Variants in ZSCAN32 observed in about 807,000 individuals in gnomAD.
The protein encoded by ZSCAN32 is zinc finger and SCAN domain-containing protein 32.
ZSCAN32 carries 52 observed loss-of-function variants against 47.4 expected under a neutral mutation model. The ratio of observed to expected loss-of-function variants is 1.10; its 90% CI spans 0.88 to 1.38. ZSCAN32 has a LOEUF of 1.38. Among genes scored for constraint, ZSCAN32 ranks in the 40% most tolerant of loss-of-function variants. ZSCAN32 has a pLI of 0.00. For synonymous variants in ZSCAN32, 346 were observed against 305.7 expected (o/e 1.13, Z -1.38); for missense variants, 959 against 846.0 (o/e 1.13, Z -1.66).
At chr16:3,390,668 G>A (rs889122612) in intron 3 of ZSCAN32, among the ~76,000 whole-genome samples, 151 bp from the exon 4 acceptor site, 1 of 152,120 alleles carries the variant, frequency 6.6e-6, no homozygotes, top group African/African-American at 2.4e-5. Context: ...CAGATCTTCT[G>A]AATCGGAAAT....
Position 3,383,599 on chromosome 16 carries a change from A to G in ZSCAN32, c.1347T>C (p.Ser449=), listed in dbSNP as rs776024829. 17 of 1,613,850 alleles carry G rather than the reference A, an allele frequency of 1.1e-5. No homozygotes were observed. The highest frequency in any genetic ancestry group is 1.6e-4 in the Middle Eastern group (1 of 6,084). The stretch of plus-strand genomic sequence containing the variant: ...CACTCTCCAAGCCTTTTTGTAGCTC[A>G]GAGTGCCAATAAACTCCTCTGGACT... The part of the protein sequence containing the change: ...QRKSRGVYWH[S]ELQKGLESEP... The change falls in exon 7 of 7, where the codon TCT becomes TCC. Residue 449 remains serine, a synonymous_variant. Transcript: ENST00000396852.
In ZSCAN32 at chr16:3,383,749, T is replaced by C. The variant is rs564641190; in HGVS notation, c.1235-38A>G. Reference sequence around the variant, plus strand: ...AACCCCACAGAAATACAATGGACTATAGAGAAGGAAAACAATGGAATGCAA... The same window carrying C: ...AACCCCACAGAAATACAATGGACTACAGAGAAGGAAAACAATGGAATGCAA... On this transcript the variant is annotated intron_variant, in intron 6 of 6. Coordinates refer to ENST00000396852, the MANE Select transcript of ZSCAN32 (RefSeq NM_001284527.2). 32 of 1,536,404 alleles carry C rather than the reference T, an allele frequency of 2.1e-5. No individual in the cohort carries two copies. In the East Asian group the frequency reaches 6.3e-4, roughly 30 times the overall value.
At position 3,390,386 on chromosome 16, in the gene ZSCAN32, G is replaced by C. The variant is rs937608126; in HGVS notation, c.627+37C>G. On this transcript the variant is annotated intron_variant, in intron 4 of 6. Transcript: ENST00000396852. ...GGAGGAGGGTTTTGGGGTGAGAGTG[G>C]GTACTCAAGAGACAGAAGGCATCAA... is the stretch of plus-strand genomic sequence containing the variant. The C allele has an allele frequency of 4.6e-6, 7 of 1,510,494 alleles. No homozygotes were observed. In the East Asian group the frequency reaches 1.5e-4, roughly 32 times the overall value. The allele number at this position is 1,510,494 out of a possible 1,614,324, so 93.6% of individuals were successfully genotyped here. A position where few individuals can be genotyped will look rare whatever the true frequency, so the allele number is the denominator to read the frequency against.
chr16:3,390,247 G>C (rs953994669), intron 4 of ZSCAN32, 114 bp from the exon 5 acceptor site: 1 of 1,451,694 alleles, frequency 6.9e-7, no homozygotes, highest in Non-Finnish European at 9.2e-7. Flanking sequence ...GGCAGGGGAG[G>C]TCAGCTCCCA....
At chr16:3,385,104 C>G (rs1486255756) in intron 5 of ZSCAN32, among the ~76,000 whole-genome samples, 163 bp from the exon 6 acceptor site, 3 of 152,166 alleles carry the variant, frequency 2.0e-5, no homozygotes, top group Non-Finnish European at 4.4e-5. Flanking sequence ...GCGGGCAGAT[C>G]ATGAGGTCAA....
chr16:3,384,401 A>G lies in ZSCAN32; in HGVS notation c.1234+58T>C, dbSNP rs1283085463. On this transcript the variant is annotated intron_variant, in intron 6 of 6. Coordinates refer to ENST00000396852, the MANE Select transcript of ZSCAN32 (RefSeq NM_001284527.2). ...ACAGCTCCTACTCAACTGCTAGGCTAATGGCCTCTAAAGTGGACTTTGCCA... is the reference window on the plus strand; with the variant it reads ...ACAGCTCCTACTCAACTGCTAGGCTGATGGCCTCTAAAGTGGACTTTGCCA... 1.9e-6 allele frequency: 3 copies of G among 1,602,168 alleles called. No individual in the cohort carries two copies. The Admixed American group carries it at 5.1e-5, about 27-fold the overall frequency.
Position 3,400,992 on chromosome 16 carries a change from G to C in ZSCAN32, c.-235C>G, listed in dbSNP as rs545976602. The C allele has an allele frequency of 3.2e-3, 483 of 152,648 alleles. 1 individual carries two copies. Among genetic ancestry groups the C allele is most frequent in the Non-Finnish European group, 4.9e-3 (337 of 68,160 alleles). 9.5% of individuals were successfully genotyped at this position (152,648 alleles called of 1,614,324 possible). A position where few individuals can be genotyped will look rare whatever the true frequency, so the allele number is the denominator to read the frequency against. On this transcript the variant is annotated 5_prime_UTR_variant, in exon 1 of 7. Transcript: ENST00000396852. Reference sequence around the variant, plus strand: ...CACAAACTCCCTCAGCCTCCGGGCCGGAAGTCAGCGGCGCGATTCGCTCCG... The same window carrying C: ...CACAAACTCCCTCAGCCTCCGGGCCCGAAGTCAGCGGCGCGATTCGCTCCG...
chr16:3,383,427 C>A lies in ZSCAN32; in HGVS notation c.1519G>T (p.Val507Leu). The change falls in exon 7 of 7, where the codon GTG becomes TTG. Residue 507 changes from valine to leucine, a missense_variant. Coordinates refer to ENST00000396852, the MANE Select transcript of ZSCAN32 (RefSeq NM_001284527.2). ...ILCGKNCSQSVHSPHKPALKL... is the reference protein window; with the variant it reads ...ILCGKNCSQSLHSPHKPALKL... ...AGCGCTGGCTTGTGGGGAGAGTGCA[C>A]ACTCTGAGAGCAGTTTTTCCCACAG... is the stretch of plus-strand genomic sequence containing the variant. 1 of 1,614,178 alleles carries A rather than the reference C, an allele frequency of 6.2e-7. No individual in the cohort carries two copies. Among genetic ancestry groups the A allele is most frequent in the Non-Finnish European group, 8.5e-7 (1 of 1,180,028 alleles).
Position 3,397,282 on chromosome 16 carries a change from C to A in ZSCAN32, c.276G>T (p.Glu92Asp), listed in dbSNP as rs27241. ...GCTGCTCCCTCACCCAGGTCTGGAT[C>A]TCCTCTGGCAAGATAGTCAGAAACT... ...LEQFLTILPE[E>D]IQTWVREQHP... Residue 92 changes from glutamate (E) to aspartate (D), a missense_variant, in exon 2 of 7, where the codon GAG becomes GAT. By Grantham distance (45) the Glu-to-Asp change is conservative. Coordinates refer to ENST00000396852, the MANE Select transcript of ZSCAN32 (RefSeq NM_001284527.2). The A allele has an allele frequency of 6.4e-7, 1 of 1,571,288 alleles. No individual in the cohort carries two copies. The highest frequency in any genetic ancestry group is 1.7e-4 in the Middle Eastern group (1 of 6,016).
At chr16:3,399,931 G>A (rs2033730605) in intron 1 of ZSCAN32, among the ~76,000 whole-genome samples, 1 of 152,108 alleles carries the variant, frequency 6.6e-6, no homozygotes, top group African/African-American at 2.4e-5. Context: ...ATGAGTTTGT[G>A]TTGGTTTTTA....
chr16:3,384,540 C>A lies in ZSCAN32; in HGVS notation c.1153G>T (p.Asp385Tyr), dbSNP rs748750918. Residue 385 changes from aspartate (D) to tyrosine (Y), a missense_variant, in exon 6 of 7, where the codon GAC becomes TAC. Coordinates refer to ENST00000396852, the MANE Select transcript of ZSCAN32 (RefSeq NM_001284527.2). Reference protein sequence around the residue: ...EVEDGTVDGADRDEKDFRNPG... With the variant: ...EVEDGTVDGAYRDEKDFRNPG... ...TTCCTGAAGTCCTTTTCATCCCTGT[C>A]TGCACCATCCACAGTGCCATCTTCT... 4 of 1,614,194 alleles carry A rather than the reference C, an allele frequency of 2.5e-6. No individual in the cohort carries two copies. The highest frequency in any genetic ancestry group is 3.3e-4 in the Middle Eastern group (2 of 6,062).
At chr16:3,388,101 A>T (rs558567813) in intron 5 of ZSCAN32, among the ~76,000 whole-genome samples, 3 of 152,342 alleles carry the variant, frequency 2.0e-5, no homozygotes, top group South Asian at 2.1e-4. Context: ...ATACAATAAA[A>T]ATGCAACCGA....
chr16:3,387,416 G>C (rs1239094542), intron 5 of ZSCAN32, among the ~76,000 whole-genome samples: 4 of 152,212 alleles, frequency 2.6e-5, no homozygotes, highest in Non-Finnish European at 4.4e-5. Flanking sequence ...CTAAATGACA[G>C]CAGTTAACAC....
chr16:3,382,868 C>T lies in ZSCAN32; in HGVS notation c.2078G>A (p.Gly693Glu), dbSNP rs370449882. 1.9e-6 allele frequency: 3 copies of T among 1,567,822 alleles called. No homozygotes were observed. Among genetic ancestry groups the T allele is most frequent in the African/African-American group, 2.7e-5 (2 of 73,260 alleles). Residue 693 changes from glycine to glutamate, a missense_variant, in exon 7 of 7, where the codon GGA becomes GAA. Gly to Glu is a moderately conservative substitution (Grantham distance 98). Transcript: ENST00000396852. ...HMKAVLSSQE[G>E]RDAL Reference sequence around the variant, plus strand: ...CCGACACACTCATAACGCATCTCTTCCTTCCTGTGATGAGAGTACTGCTTT... The same window carrying T: ...CCGACACACTCATAACGCATCTCTTTCTTCCTGTGATGAGAGTACTGCTTT...
Position 3,383,092 on chromosome 16 carries a change from G to C in ZSCAN32, c.1854C>G (p.Ser618=). The change falls in exon 7 of 7, where the codon TCC becomes TCG. Residue 618 remains serine, a synonymous_variant. Transcript: ENST00000396852. ...GGATGCGCCGGTGAGCACTGAACTGGGAACTGTTGTTGAATCTCTTTCCAC... is the reference window on the plus strand; with the variant it reads ...GGATGCGCCGGTGAGCACTGAACTGCGAACTGTTGTTGAATCTCTTTCCAC... ...IVCGKRFNNS[S]QFSAHRRIHT... 1 of 1,614,128 alleles carries C rather than the reference G, an allele frequency of 6.2e-7. No homozygotes were observed. Among genetic ancestry groups the C allele is most frequent in the Non-Finnish European group, 8.5e-7 (1 of 1,180,014 alleles).
chr16:3,384,801 C>T lies in ZSCAN32; in HGVS notation c.892G>A (p.Gly298Ser), dbSNP rs1308742985. The T allele has an allele frequency of 1.9e-6, 3 of 1,614,044 alleles. No individual in the cohort carries two copies. Among genetic ancestry groups the T allele is most frequent in the Non-Finnish European group, 1.7e-6 (2 of 1,180,026 alleles). Residue 298 changes from glycine to serine, a missense_variant, in exon 6 of 7, where the codon GGT (glycine) becomes AGT (serine). By Grantham distance (56) the Gly-to-Ser change is moderately conservative. Coordinates refer to ENST00000396852, the MANE Select transcript of ZSCAN32 (RefSeq NM_001284527.2). ...RAMAEGLWEQ[G>S]FLRTPEQCRT... ...CACTGTTCTGGGGTCCGCAGAAAAC[C>T]CTGCTCCCAGAGTCCTTCCGCCATG...
At chr16:3,397,037 G>C (rs902678501) in intron 2 of ZSCAN32, among the ~76,000 whole-genome samples, 155 bp downstream of exon 2, 3 of 152,116 alleles carry the variant, frequency 2.0e-5, no homozygotes, top group Admixed American at 2.0e-4. Flanking sequence ...AATTCTTCCC[G>C]TATTATAAGG....
chr16:3,382,696 C>G lies in ZSCAN32; in HGVS notation c.*156G>C, dbSNP rs73491719. On this transcript the variant is annotated 3_prime_UTR_variant, in exon 7 of 7. Coordinates refer to ENST00000396852, the MANE Select transcript of ZSCAN32 (RefSeq NM_001284527.2). Reference sequence around the variant, plus strand: ...CACAGGCACAGCCAGGAGAGGTCAGCGTCCTTATGCTGACTCCTGGTCCTA... The same window carrying G: ...CACAGGCACAGCCAGGAGAGGTCAGGGTCCTTATGCTGACTCCTGGTCCTA... 3 of 1,196,468 alleles carry G rather than the reference C, an allele frequency of 2.5e-6. No individual in the cohort carries two copies. Among genetic ancestry groups the G allele is most frequent in the South Asian group, 4.3e-5 (2 of 46,138 alleles). The allele number at this position is 1,196,468 out of a possible 1,614,324, so 74.1% of individuals were successfully genotyped here.
Position 3,383,572 on chromosome 16 carries a change from C to G in ZSCAN32, c.1374G>C (p.Glu458Asp). 6.2e-7 allele frequency: 1 copy of G among 1,614,086 alleles called. No homozygotes were observed. The highest frequency in any genetic ancestry group is 8.5e-7 in the Non-Finnish European group (1 of 1,180,028). The change falls in exon 7 of 7, where the codon GAG (glutamate) becomes GAC (aspartate). Residue 458 changes from glutamate (E) to aspartate (D), a missense_variant. Glu to Asp is a conservative substitution (Grantham distance 45). Coordinates refer to ENST00000396852, the MANE Select transcript of ZSCAN32 (RefSeq NM_001284527.2). The part of the protein sequence containing the change: ...HSELQKGLES[E>D]PTSRRQCRNS... Reference sequence around the variant, plus strand: ...TTCTACATTGCCTTCTTGATGTTGGCTCACTCTCCAAGCCTTTTTGTAGCT... The same window carrying G: ...TTCTACATTGCCTTCTTGATGTTGGGTCACTCTCCAAGCCTTTTTGTAGCT...
Sources: allele counts gnomAD v4.1 joint callset (sites outside exome capture counted in the v4.1 genomes callset), GRCh38; gene constraint gnomAD v4.1.1; transcripts MANE v1.5; gene names NCBI Gene and HGNC (gene_info 2026-07-23, HGNC 2026-07-21).